The following CD300E variants were observed in gnomAD, a reference collection of about 807,000 sequenced individuals.
CD300E encodes CMRF35-like molecule 2.
CD300E carries 14 observed loss-of-function variants against 20.9 expected under a neutral mutation model. That is an observed-to-expected ratio of 0.67 (90% CI 0.44 to 1.05). The LOEUF (loss-of-function observed/expected upper bound fraction) is 1.05, where lower values mean the gene tolerates loss of function less well. CD300E is among the 50% of genes least tolerant of loss of function. CD300E has a pLI of 0.00. For synonymous variants in CD300E, 102 were observed against 103.7 expected, an observed-to-expected ratio of 0.98 and a Z score of 0.10; for missense variants, 237 against 253.9, an observed-to-expected ratio of 0.93 and a Z score of 0.45.
rs763739067 is a variant in CD300E at position 74,612,607 on chromosome 17, G to A, written c.*46C>T. On this transcript the variant is annotated 3_prime_UTR_variant, in exon 4 of 4. Coordinates refer to ENST00000392619, the MANE Select transcript of CD300E (RefSeq NM_181449.3). ...CTGAAAGGTTGACTCCCTGCACGGG[G>A]CACTCCTGGGGATGGGGCTCTGCAG... 3 of 1,605,506 alleles carry A rather than the reference G, an allele frequency of 1.9e-6. No individual in the cohort carries two copies. The highest frequency in any genetic ancestry group is 2.2e-5 in the South Asian group (2 of 90,768).
rs762913678 is a variant in CD300E at position 74,612,776 on chromosome 17, G to C, written c.498-3C>G. 6.2e-7 allele frequency: 1 copy of C among 1,613,714 alleles called. No individual in the cohort carries two copies. Among genetic ancestry groups the C allele is most frequent in the Non-Finnish European group, 8.5e-7 (1 of 1,179,898 alleles). On this transcript the variant is annotated splice_region_variant and splice_polypyrimidine_tract_variant and intron_variant, in intron 3 of 3. Coordinates refer to ENST00000392619, the MANE Select transcript of CD300E (RefSeq NM_181449.3). ...AGTGAGGGCTGCTGAGCCGGAACCTGTGGTGGACACGGTGAAAATGAGTCA... is the reference window on the plus strand; with the variant it reads ...AGTGAGGGCTGCTGAGCCGGAACCTCTGGTGGACACGGTGAAAATGAGTCA...
intron 1 of CD300E, among the ~76,000 whole-genome samples, chr17:74,618,809 C>A (rs555825415): frequency 6.6e-6 from 1 of 152,074 alleles, no homozygotes; most frequent in African/African-American, 2.4e-5. Context: ...GCACCTGTCA[C>A]CCCCACCCTG....
rs757257726 is a variant in CD300E at position 74,611,410 on chromosome 17, T to C, written c.*1243A>G. 2 of 152,362 alleles carry C rather than the reference T, an allele frequency of 1.3e-5. No homozygotes were observed. The highest frequency in any genetic ancestry group is 2.9e-5 in the Non-Finnish European group (2 of 68,120). 9.4% of individuals were successfully genotyped at this position (152,362 alleles called of 1,614,324 possible). On this transcript the variant is annotated 3_prime_UTR_variant, in exon 4 of 4. Transcript: ENST00000392619. The stretch of plus-strand genomic sequence containing the variant: ...GGGGGAGCACTGGTCCAGATGTAGG[T>C]AGCAAGTGGAGATGGTGATGCTTGC...
rs2030789513 is a variant in CD300E, at chr17:74,612,120, T to A, written c.*533A>T. ...AGGTAGTTATTGCCCTGGGGGAAAC[T>A]GGCCTGAGAAGCATTTGTGCCAAGA... On this transcript the variant is annotated 3_prime_UTR_variant, in exon 4 of 4. Transcript: ENST00000392619. 2 of 152,608 alleles carry A rather than the reference T, an allele frequency of 1.3e-5. No individual in the cohort carries two copies. Among genetic ancestry groups the A allele is most frequent in the Admixed American group, 6.5e-5 (1 of 15,328 alleles). The allele number at this position is 152,608 out of a possible 1,614,324, so 9.5% of individuals were successfully genotyped here.
Position 74,613,971 on chromosome 17 carries a change from G to C in CD300E, c.451C>G (p.Pro151Ala). The C allele has an allele frequency of 6.2e-7, 1 of 1,614,064 alleles. No homozygotes were observed. The highest frequency in any genetic ancestry group is 2.2e-5 in the East Asian group (1 of 44,866). Residue 151 changes from proline (P) to alanine (A), a missense_variant, in exon 3 of 4, where the codon CCT becomes GCT. Physicochemically the swap from Pro to Ala is conservative, Grantham distance 27. Coordinates refer to ENST00000392619, the MANE Select transcript of CD300E (RefSeq NM_181449.3). ...ATPPIFLVVN[P>A]GRNLSTGEVL... ...TCCCCGGTGCTGAGGTTTCGCCCAGGGTTCACCACCAGGAAGATGGGAGGT... is the reference window on the plus strand; with the variant it reads ...TCCCCGGTGCTGAGGTTTCGCCCAGCGTTCACCACCAGGAAGATGGGAGGT...
chr17:74,621,634 A>G (rs1325390389), intron 1 of CD300E, among the ~76,000 whole-genome samples: 2 of 152,200 alleles, frequency 1.3e-5, no homozygotes, highest in African/African-American at 4.8e-5. Flanking sequence ...ATTGGACAGC[A>G]ATCAGTTCAG....
intron 2 of CD300E, among the ~76,000 whole-genome samples, chr17:74,615,387 T>A (rs1201286369): frequency 1.3e-5 from 2 of 151,936 alleles, no homozygotes; most frequent in Non-Finnish European, 2.9e-5. Context: ...TTGGGCAGGA[T>A]GGGGAAGCCT....
At chr17:74,617,507 GC>G in intron 1 of CD300E, 42 bp from the exon 2 acceptor site, 1 of 1,529,258 alleles carries the variant, frequency 6.5e-7, no homozygotes, top group Non-Finnish European at 8.9e-7. Flanking sequence ...CATCCAGATG[GC>G]CCCATCAGCA....
At chr17:74,619,215 T>C in intron 1 of CD300E, 1 of 459,310 alleles carries the variant, frequency 2.2e-6, no homozygotes, top group Non-Finnish European at 4.5e-6. Flanking sequence ...CTTGGCAGGG[T>C]ACAAAGGGCT....
intron 1 of CD300E, among the ~76,000 whole-genome samples, chr17:74,623,060 A>G (rs1384952790): frequency 6.6e-6 from 1 of 152,200 alleles, no homozygotes; most frequent in African/African-American, 2.4e-5. Flanking sequence ...CTCACAAACC[A>G]TTCCAACCCC....
In CD300E at chr17:74,623,600, G is replaced by A. The variant is rs1432585846; in HGVS notation, c.22C>T (p.Leu8Phe). The change falls in exon 1 of 4, where the codon CTC (leucine) becomes TTC (phenylalanine). Residue 8 changes from leucine (L) to phenylalanine (F), a missense_variant. By Grantham distance (22) the Leu-to-Phe change is conservative. Coordinates refer to ENST00000392619, the MANE Select transcript of CD300E (RefSeq NM_181449.3). ...CACTCACCTGAGAGGCAGAGAAGGA[G>A]TAGAGCTGGGAGCAGCCACATGTTC... MWLLPAL[L>F]LLCLSGCLSL... 1 of 1,614,202 alleles carries A rather than the reference G, an allele frequency of 6.2e-7. No homozygotes were observed. The highest frequency in any genetic ancestry group is 8.5e-7 in the Non-Finnish European group (1 of 1,180,036).
chr17:74,623,662 C>A lies in CD300E; in HGVS notation c.-41G>T, dbSNP rs761808938. 34 of 1,611,654 alleles carry A rather than the reference C, an allele frequency of 2.1e-5. No homozygotes were observed. The highest frequency in any genetic ancestry group is 2.9e-5 in the Non-Finnish European group (34 of 1,177,720). On this transcript the variant is annotated 5_prime_UTR_variant, in exon 1 of 4. Transcript: ENST00000392619. ...GCTTCCGTCCTCAGCAAATCTAGGTCCCAGCTGGAATCCAAGTATATGTAA... is the reference window on the plus strand; with the variant it reads ...GCTTCCGTCCTCAGCAAATCTAGGTACCAGCTGGAATCCAAGTATATGTAA...
At chr17:74,612,836 C>T in intron 3 of CD300E, 63 bp from the exon 4 acceptor site, 1 of 1,588,618 alleles carries the variant, frequency 6.3e-7, no homozygotes, top group Non-Finnish European at 8.6e-7. Flanking sequence ...CCTTCTCTCC[C>T]CACCTCTCCC....
intron 2 of CD300E, 88 bp from the exon 3 acceptor site, chr17:74,614,121 A>C (rs1241522586): frequency 9.7e-7 from 1 of 1,032,516 alleles, no homozygotes; most frequent in African/African-American, 1.6e-5. Context: ...AGAATCACCC[A>C]CTCACAGAAG....
intron 1 of CD300E, chr17:74,619,197 A>G (rs563910030): frequency 2.8e-4 from 129 of 467,520 alleles, no homozygotes; most frequent in African/African-American, 2.4e-3. Flanking sequence ...CATTTCCCAC[A>G]GTGGGAGCTT....
intron 3 of CD300E, 88 bp downstream of exon 3, chr17:74,613,837 C>T (rs926518298): frequency 5.1e-5 from 38 of 751,306 alleles, no homozygotes; most frequent in Non-Finnish European, 7.6e-5. Flanking sequence ...CAGACAGTGA[C>T]GATCTCAGGT....
chr17:74,615,736 G>C (rs977539272), intron 2 of CD300E, among the ~76,000 whole-genome samples: 1 of 152,098 alleles, frequency 6.6e-6, no homozygotes, highest in Non-Finnish European at 1.5e-5. Flanking sequence ...CAGGGATGAG[G>C]GTTTTGTCAG....
intron 1 of CD300E, among the ~76,000 whole-genome samples, chr17:74,620,225 A>G (rs2030991356): frequency 1.3e-5 from 2 of 152,182 alleles, no homozygotes; most frequent in Admixed American, 6.5e-5. Flanking sequence ...TAATCCCAGC[A>G]CTTTGGGAGG....
In CD300E at chr17:74,617,396, T is replaced by A; in HGVS notation, c.110A>T (p.Gln37Leu). Reference sequence around the variant, plus strand: ...ATATCCCTTGTACATGCTCTCATACTGACACCACACTGTCAGAGAGTCCCC... The same window carrying A: ...ATATCCCTTGTACATGCTCTCATACAGACACCACACTGTCAGAGAGTCCCC... ...TAGDSLTVWC[Q>L]YESMYKGYNK... The change falls in exon 2 of 4, where the codon CAG (glutamine) becomes CTG (leucine). Residue 37 changes from glutamine to leucine, a missense_variant. Gln to Leu is a moderately radical substitution (Grantham distance 113). Transcript: ENST00000392619. 1 of 1,614,144 alleles carries A rather than the reference T, an allele frequency of 6.2e-7. No homozygotes were observed. Among genetic ancestry groups the A allele is most frequent in the Non-Finnish European group, 8.5e-7 (1 of 1,180,026 alleles).
Sources: gnomAD v4.1 joint callset for allele counts (sites outside exome capture counted in the v4.1 genomes callset) on GRCh38, gnomAD v4.1.1 for gene constraint, MANE v1.5 for transcripts, NCBI Gene and HGNC (gene_info 2026-07-23, HGNC 2026-07-21) for gene names.